Variants in METTL15 observed in about 807,000 individuals in gnomAD.
METTL15 encodes 12S rRNA N(4)-cytidine methyltransferase METTL15.
In METTL15, 34 loss-of-function variants were observed where a neutral mutation model predicts 38.3. That is an observed-to-expected ratio of 0.89 (90% CI 0.68 to 1.18). The LOEUF (loss-of-function observed/expected upper bound fraction) is 1.18. Among genes scored for constraint, METTL15 ranks in the 50% most tolerant of loss-of-function variants. The pLI, the probability that METTL15 is intolerant of heterozygous loss-of-function variation, is 0.00. For synonymous variants in METTL15, 162 were observed against 170.9 expected (o/e 0.95, Z 0.41); for missense variants, 438 against 498.4 (o/e 0.88, Z 1.15).
At chr11:28,526,126 C>T (rs148551340) in intron 6 of METTL15, among the ~76,000 whole-genome samples, 31 of 152,320 alleles carry the variant, frequency 2.0e-4, no homozygotes, top group South Asian at 1.2e-3. Context: ...AGCTGGCCCA[C>T]AAGTGCCACA....
At chr11:28,456,038 C>T (rs1360676628) in intron 6 of METTL15, among the ~76,000 whole-genome samples, 1 of 152,080 alleles carries the variant, frequency 6.6e-6, no homozygotes, top group African/African-American at 2.4e-5. Flanking sequence ...CAAGCTTTCA[C>T]TCCATCATGC....
At chr11:28,218,653 G>A (rs1200904707) in intron 4 of METTL15, among the ~76,000 whole-genome samples, 3 of 152,118 alleles carry the variant, frequency 2.0e-5, no homozygotes, top group African/African-American at 7.2e-5. Context: ...CAAAGGGAAT[G>A]CTTCCAGTTT....
intron 3 of METTL15, among the ~76,000 whole-genome samples, chr11:28,182,019 C>T (rs1851308471): frequency 6.6e-6 from 1 of 152,106 alleles, no homozygotes; most frequent in Non-Finnish European, 1.5e-5. Context: ...TGTTGATGAG[C>T]ATGTTTTCGT....
intron 3 of METTL15, among the ~76,000 whole-genome samples, chr11:28,188,945 A>G (rs75436727): frequency 6.6e-4 from 100 of 151,412 alleles, no homozygotes; most frequent in Middle Eastern, 3.4e-3. Flanking sequence ...TTAGTAATCT[A>G]TTCATCCTAG....
chr11:28,451,208 T>A (rs1428940488), intron 6 of METTL15, among the ~76,000 whole-genome samples: 2 of 152,140 alleles, frequency 1.3e-5, no homozygotes, highest in African/African-American at 4.8e-5. Context: ...TACTACAGTG[T>A]CTGAGGAATG....
rs143298540 is a variant in METTL15 at position 28,254,862 on chromosome 11, A to G, written c.408-35344A>G. On this transcript the variant is annotated intron_variant, in intron 4 of 6. Coordinates refer to ENST00000407364, the MANE Select transcript of METTL15 (RefSeq NM_001113528.2). ...GTCTGTTTAGGCTGTTTTGGTTACT[A>G]TTATCTCTGTAGTGTAATTTGAAGT... Among the ~76,000 whole-genome samples the G allele has an allele frequency of 5.5e-4, 83 of 151,872 alleles. 1 individual carries two copies. The highest frequency in any genetic ancestry group is 1.0e-3 in the Non-Finnish European group (70 of 67,938).
chr11:28,272,102 G>A (rs558867905), intron 4 of METTL15, among the ~76,000 whole-genome samples: 33 of 152,206 alleles, frequency 2.2e-4, no homozygotes, highest in African/African-American at 6.5e-4. Flanking sequence ...AAATAGGAAC[G>A]CTCTTACACT....
intron 6 of METTL15, among the ~76,000 whole-genome samples, chr11:28,465,628 G>C (rs1316597755): frequency 2.0e-5 from 3 of 152,172 alleles, no homozygotes; most frequent in African/African-American, 2.4e-5. Flanking sequence ...CAGAAACCTA[G>C]CAAGCAGGTG....
intron 4 of METTL15, among the ~76,000 whole-genome samples, chr11:28,234,743 C>T: frequency 2.1e-5 from 3 of 140,110 alleles, no homozygotes; most frequent in African/African-American, 8.3e-5. Context: ...AATTTTCTCC[C>T]ATTTTGTAGG....
intron 6 of METTL15, among the ~76,000 whole-genome samples, chr11:28,306,055 A>G (rs1857072581): frequency 6.6e-6 from 1 of 152,086 alleles, no homozygotes. Context: ...TTATCTTAGA[A>G]TCCCCTTTCC....
chr11:28,481,232 A>C (rs1048431965), intron 6 of METTL15, among the ~76,000 whole-genome samples: 2 of 152,158 alleles, frequency 1.3e-5, no homozygotes, highest in Non-Finnish European at 2.9e-5. Flanking sequence ...ATCCATGTGG[A>C]AAATTGCTCC....
intron 3 of METTL15, among the ~76,000 whole-genome samples, chr11:28,149,468 A>G (rs1368539929): frequency 1.3e-5 from 2 of 151,876 alleles, no homozygotes; most frequent in East Asian, 1.9e-4. Flanking sequence ...TGCAGTTTGC[A>G]TTTTTTAGAC....
intron 5 of METTL15, among the ~76,000 whole-genome samples, chr11:28,393,153 T>A (rs977469349): frequency 2.0e-5 from 3 of 152,122 alleles, no homozygotes; most frequent in Non-Finnish European, 2.9e-5. Flanking sequence ...TGCCATATGA[T>A]CCTTCAATCT....
At chr11:28,115,704 A>C (rs944502837) in intron 3 of METTL15, among the ~76,000 whole-genome samples, 1 of 152,150 alleles carries the variant, frequency 6.6e-6, no homozygotes, top group Non-Finnish European at 1.5e-5. Context: ...AAAAGTCTTC[A>C]TCCTTGTCTT....
At chr11:28,203,607 A>C (rs763703909) in intron 3 of METTL15, among the ~76,000 whole-genome samples, 1 of 152,074 alleles carries the variant, frequency 6.6e-6, no homozygotes, top group East Asian at 1.9e-4. Context: ...CTTTGCCCCA[A>C]CTAGCGACCA....
chr11:28,338,241 C>T (rs578071252), downstream of METTL15, among the ~76,000 whole-genome samples: 2 of 152,138 alleles, frequency 1.3e-5, no homozygotes, highest in Admixed American at 1.3e-4. Context: ...TACCAAAATA[C>T]CACCTATTTT....
At chr11:28,113,760 A>T (rs1851824330) in intron 3 of METTL15, among the ~76,000 whole-genome samples, 156 bp downstream of exon 3, 1 of 152,228 alleles carries the variant, frequency 6.6e-6, no homozygotes, top group South Asian at 2.1e-4. Flanking sequence ...CATTCAGTAG[A>T]AATTGTACTT....
intron 3 of METTL15, among the ~76,000 whole-genome samples, chr11:28,120,577 T>TG (rs1852185653): frequency 6.6e-6 from 1 of 152,082 alleles, no homozygotes; most frequent in Non-Finnish European, 1.5e-5. Flanking sequence ...CAAATTTCCA[T>TG]GGGGTACGTT....
chr11:28,330,482 C>T lies in METTL15; in HGVS notation c.865C>T (p.Arg289Cys), dbSNP rs182659010. The change falls in exon 7 of 7, where the codon CGC becomes TGC. Residue 289 changes from arginine to cysteine, a missense_variant. Transcript: ENST00000407364. ...HIATKTFQALRIFVNNELNEL... is the reference protein window; with the variant it reads ...HIATKTFQALCIFVNNELNEL... ...TGCCACCAAGACTTTCCAGGCTCTT[C>T]GCATATTTGTGAACAATGAGCTCAA... is the stretch of plus-strand genomic sequence containing the variant. The T allele has an allele frequency of 9.7e-6, 15 of 1,551,502 alleles. No homozygotes were observed. The highest frequency in any genetic ancestry group is 4.9e-5 in the East Asian group (2 of 40,918).
Sources: allele counts gnomAD v4.1 joint callset (sites outside exome capture counted in the v4.1 genomes callset), GRCh38; gene constraint gnomAD v4.1.1; transcripts MANE v1.5; gene names NCBI Gene and HGNC (gene_info 2026-07-23, HGNC 2026-07-21).